The following MROH1 variants were observed in gnomAD, a reference collection of about 807,000 sequenced individuals.
The protein encoded by MROH1 is maestro heat like repeat family member 1, also known as maestro heat-like repeat-containing protein family member 1.
A neutral mutation model predicts 116.5 loss-of-function variants in MROH1; 117 were observed. The ratio of observed to expected loss-of-function variants is 1.00; its 90% CI spans 0.86 to 1.17. The LOEUF is 1.17. Among genes scored for constraint, MROH1 ranks in the 50% most tolerant of loss-of-function variants. MROH1 has a pLI of 0.00. For missense variants in MROH1, 1,873 were observed against 1,338.5 expected, an observed-to-expected ratio of 1.40 and a Z score of -6.23; for synonymous variants, 921 against 583.9, an observed-to-expected ratio of 1.58 and a Z score of -8.32.
chr8:144,171,348 G>A (rs1439231044), intron 4 of MROH1, among the ~76,000 whole-genome samples: 1 of 152,250 alleles, frequency 6.6e-6, no homozygotes, highest in African/African-American at 2.4e-5. Flanking sequence ...AAGGGTGCGG[G>A]TGCCCAGCAG....
intron 14 of MROH1, among the ~76,000 whole-genome samples, chr8:144,228,849 C>T (rs1838293076): frequency 6.6e-6 from 1 of 152,220 alleles, no homozygotes; most frequent in Non-Finnish European, 1.5e-5. Context: ...TTATGCACTG[C>T]TATTTGATAG....
chr8:144,261,021 A>G lies in MROH1; in HGVS notation c.4651A>G (p.Asn1551Asp), dbSNP rs1034621779. 3 of 768,612 alleles carry G rather than the reference A, an allele frequency of 3.9e-6. No individual in the cohort carries two copies. Among genetic ancestry groups the G allele is most frequent in the Non-Finnish European group, 7.3e-6 (3 of 413,620 alleles). The allele number at this position is 768,612 out of a possible 1,614,324, so 47.6% of individuals were successfully genotyped here. A position where few individuals can be genotyped will look rare whatever the true frequency, so the allele number is the denominator to read the frequency against. ...GRALHFGEFL[N>D]TTCKHLMHHF... ...AGCCCTGCACTTCGGGGAGTTCCTC[A>G]ACACCACCTGCAAGCACCTGGTGAG... The change falls in exon 41 of 44, where the codon AAC becomes GAC. Residue 1551 changes from asparagine to aspartate, a missense_variant. Physicochemically the swap from Asn to Asp is conservative, Grantham distance 23. Coordinates refer to ENST00000326134, the MANE Select transcript of MROH1 (RefSeq NM_032450.3).
intron 14 of MROH1, among the ~76,000 whole-genome samples, chr8:144,226,918 T>C (rs1235296427): frequency 6.6e-6 from 1 of 152,236 alleles, no homozygotes; most frequent in Non-Finnish European, 1.5e-5. Context: ...ATTTCTACAC[T>C]TATTTAGATC....
At chr8:144,257,318 T>C (rs1443645456) in intron 35 of MROH1, among the ~76,000 whole-genome samples, 1 of 152,154 alleles carries the variant, frequency 6.6e-6, no homozygotes, top group Non-Finnish European at 1.5e-5. Context: ...CATCAAGGGC[T>C]GTGTGAGGGG....
intron 1 of MROH1, among the ~76,000 whole-genome samples, chr8:144,159,498 A>G (rs908186791): frequency 6.6e-6 from 1 of 152,190 alleles, no homozygotes; most frequent in Non-Finnish European, 1.5e-5. Flanking sequence ...GATACTTAAT[A>G]TTTCTGAAAT....
chr8:144,192,565 G>A, intron 10 of MROH1, 164 bp downstream of exon 10: 3 of 716,668 alleles, frequency 4.2e-6, no homozygotes, highest in Non-Finnish European at 5.0e-6. Flanking sequence ...TTAGCGATGT[G>A]GCGATGCTCT....
intron 14 of MROH1, among the ~76,000 whole-genome samples, chr8:144,229,429 G>C (rs1838421935): frequency 6.8e-6 from 1 of 147,766 alleles, no homozygotes; most frequent in Admixed American, 6.9e-5. Context: ...TGTGACCCAG[G>C]CTGGAGTTCA....
intron 1 of MROH1, among the ~76,000 whole-genome samples, chr8:144,160,301 G>T (rs1819197954): frequency 6.6e-6 from 1 of 152,126 alleles, no homozygotes; most frequent in Non-Finnish European, 1.5e-5. Flanking sequence ...GCTCTGCCTG[G>T]TGCCCCATGA....
At chr8:144,159,017 A>T (rs1387247529) in intron 1 of MROH1, among the ~76,000 whole-genome samples, 1 of 152,152 alleles carries the variant, frequency 6.6e-6, no homozygotes, top group African/African-American at 2.4e-5. Context: ...CCAAGATTAC[A>T]GGTATGAGCC....
rs1044884720 is a variant in MROH1, at chr8:144,184,291, CG to C, written c.562+3774del. 5.8e-4 allele frequency among the ~76,000 whole-genome samples: 89 copies of C among 152,166 alleles called. 1 individual carries two copies. The highest frequency in any genetic ancestry group is 3.7e-3 in the Admixed American group (57 of 15,272). On this transcript the variant is annotated intron_variant, in intron 7 of 43. Transcript: ENST00000326134. ...CAGGCTGCATGGCAGTGGCTCTGGC[CG>C]GGGGGTGTGGCCGTGGGAAGCAGCG...
intron 8 of MROH1, among the ~76,000 whole-genome samples, 180 bp from the exon 9 acceptor site, chr8:144,191,535 C>G (rs1224022170): frequency 6.6e-6 from 1 of 152,228 alleles, no homozygotes; most frequent in Non-Finnish European, 1.5e-5. Flanking sequence ...TGGCCAGCAT[C>G]TGGCTTGCTG....
At chr8:144,244,776 C>T (rs1483049106) in intron 28 of MROH1, among the ~76,000 whole-genome samples, 2 of 152,160 alleles carry the variant, frequency 1.3e-5, no homozygotes, top group African/African-American at 2.4e-5. Context: ...CTGCATGGCG[C>T]GGGGATGGAG....
intron 14 of MROH1, among the ~76,000 whole-genome samples, chr8:144,235,019 C>T (rs1338255295): frequency 6.6e-6 from 1 of 150,854 alleles, no homozygotes; most frequent in African/African-American, 2.4e-5. Flanking sequence ...CAGCCTCCCG[C>T]GTAGCTGGGA....
chr8:144,185,241 G>A (rs1390181101), intron 7 of MROH1, among the ~76,000 whole-genome samples: 2 of 152,182 alleles, frequency 1.3e-5, no homozygotes, highest in Non-Finnish European at 1.5e-5. Flanking sequence ...AGGGTGGGAA[G>A]TGGGAGCTGA....
Position 144,247,408 on chromosome 8 carries a change from C to G in MROH1, c.2979C>G (p.Ser993=), listed in dbSNP as rs1456540188. Residue 993 remains serine (S), a synonymous_variant, in exon 30 of 44, where the codon TCC becomes TCG. Transcript: ENST00000326134. ...TRQEAVDCVY[S]LLYLQLGYEG... is the part of the protein sequence containing the mutation. ...AGGAGGCCGTGGACTGTGTCTACTC[C>G]CTGCTGTACCTCCAGCTCGGCTATG... 1 of 771,154 alleles carries G rather than the reference C, an allele frequency of 1.3e-6. No individual in the cohort carries two copies. The highest frequency in any genetic ancestry group is 2.4e-6 in the Non-Finnish European group (1 of 413,668). The allele number at this position is 771,154 out of a possible 1,614,324, so 47.8% of individuals were successfully genotyped here.
rs1197741129 is a variant in MROH1 at position 144,248,773 on chromosome 8, T to A, written c.3121-104T>A. The A allele has an allele frequency of 1.3e-5, 9 of 709,384 alleles. No individual in the cohort carries two copies. In the East Asian group the frequency reaches 2.4e-4, roughly 19 times the overall value. 43.9% of individuals were successfully genotyped at this position (709,384 alleles called of 1,614,324 possible). On this transcript the variant is annotated intron_variant, in intron 31 of 43. Coordinates refer to ENST00000326134, the MANE Select transcript of MROH1 (RefSeq NM_032450.3). ...GCTGGGGCCCGGCTGCAAGAAGGGGTGTGGCTTCCCGCCCTAACGCGAGCC... is the reference window on the plus strand; with the variant it reads ...GCTGGGGCCCGGCTGCAAGAAGGGGAGTGGCTTCCCGCCCTAACGCGAGCC...
intron 12 of MROH1, among the ~76,000 whole-genome samples, chr8:144,206,112 C>T (rs1404149166): frequency 1.3e-5 from 2 of 152,192 alleles, no homozygotes; most frequent in Non-Finnish European, 2.9e-5. Flanking sequence ...TGCGGTGGCA[C>T]GATCACAGCT....
At chr8:144,249,908 G>C (rs1412999846) in intron 32 of MROH1, among the ~76,000 whole-genome samples, 1 of 152,200 alleles carries the variant, frequency 6.6e-6, no homozygotes, top group African/African-American at 2.4e-5. Context: ...GGGGCCGCTG[G>C]CTCTGTTGGA....
rs374952645 is a variant in MROH1 at position 144,168,336 on chromosome 8, C to T, written c.64C>T (p.Pro22Ser). The T allele has an allele frequency of 8.2e-5, 132 of 1,610,074 alleles. No homozygotes were observed. Among genetic ancestry groups the T allele is most frequent in the Non-Finnish European group, 1.0e-4 (121 of 1,179,560 alleles). The change falls in exon 4 of 44, where the codon CCC becomes TCC. Residue 22 changes from proline to serine, a missense_variant. By Grantham distance (74) the Pro-to-Ser change is moderately conservative. Coordinates refer to ENST00000326134, the MANE Select transcript of MROH1 (RefSeq NM_032450.3). ...TLLDAITDKD[P>S]LVQEQVCSAL... The stretch of plus-strand genomic sequence containing the variant: ...GCTGGACGCCATCACCGATAAGGAC[C>T]CCCTGGTGCAGGAGCAGGTCTGCAG...
Sources: gnomAD v4.1 joint callset for allele counts (sites outside exome capture counted in the v4.1 genomes callset) on GRCh38, gnomAD v4.1.1 for gene constraint, MANE v1.5 for transcripts, NCBI Gene and HGNC (gene_info 2026-07-23, HGNC 2026-07-21) for gene names.